Variants in ANKS1B observed in about 807,000 individuals in gnomAD.
The protein encoded by ANKS1B is ankyrin repeat and sterile alpha motif domain containing 1B.
In ANKS1B, 36 loss-of-function variants were observed where a neutral mutation model predicts 148.3. The ratio of observed to expected loss-of-function variants is 0.24; its 90% confidence interval spans 0.19 to 0.32. The LOEUF (loss-of-function observed/expected upper bound fraction) is 0.32, where lower values mean the gene tolerates loss of function less well. Ranked by LOEUF, ANKS1B falls within the 10% of genes least tolerant of loss-of-function variation. The probability of loss-of-function intolerance (pLI) is 1.00; values close to 1 mark genes in which losing one functional copy is unlikely to be tolerated. For missense variants in ANKS1B, 1,157 were observed against 1,542.6 expected (o/e 0.75, Z 4.19); for synonymous variants, 542 against 560.8 (o/e 0.97, Z 0.47).
At chr12:99,961,516 T>A (rs2153831553) in intron 1 of ANKS1B, among the ~76,000 whole-genome samples, 1 of 152,330 alleles carries the variant, frequency 6.6e-6, no homozygotes, top group Middle Eastern at 3.4e-3. Context: ...CCCCTCATCC[T>A]CACTGCCTTG....
chr12:99,460,654 C>T (rs2095941428), intron 10 of ANKS1B, among the ~76,000 whole-genome samples: 1 of 151,858 alleles, frequency 6.6e-6, no homozygotes, highest in Admixed American at 6.6e-5. Context: ...AAATGCTCAA[C>T]ATCACTAATG....
At chr12:99,402,433 A>T (rs1044554406) in intron 11 of ANKS1B, among the ~76,000 whole-genome samples, 1 of 145,096 alleles carries the variant, frequency 6.9e-6, no homozygotes, top group Non-Finnish European at 1.5e-5. Flanking sequence ...TAAGCCTAGT[A>T]CTCATTAGTT....
At chr12:98,888,924 T>C (rs2099746199) in intron 17 of ANKS1B, among the ~76,000 whole-genome samples, 1 of 152,250 alleles carries the variant, frequency 6.6e-6, no homozygotes, top group African/African-American at 2.4e-5. Flanking sequence ...TTGTCTATCT[T>C]GTTCATCATT....
chr12:99,625,173 C>A (rs2153383069), intron 9 of ANKS1B, among the ~76,000 whole-genome samples: 1 of 152,144 alleles, frequency 6.6e-6, no homozygotes, highest in Middle Eastern at 3.4e-3. Context: ...CACCTCTTCT[C>A]ATAAAGCGGG....
chr12:98,964,104 A>T (rs947049957), intron 17 of ANKS1B, among the ~76,000 whole-genome samples: 3 of 152,288 alleles, frequency 2.0e-5, no homozygotes, highest in Non-Finnish European at 4.4e-5. Flanking sequence ...GCCTCAAAAA[A>T]AAAAATCTAA....
At chr12:99,105,768 CAAA>C (rs11349848) in intron 15 of ANKS1B, among the ~76,000 whole-genome samples, 23 of 82,922 alleles carry the variant, frequency 2.8e-4, no homozygotes, top group Admixed American at 1.8e-3. Flanking sequence ...GACTCTGTCT[CAAA>C]AAAAAAAAAA....
chr12:99,627,168 A>G (rs554628781), intron 9 of ANKS1B, among the ~76,000 whole-genome samples: 8 of 152,350 alleles, frequency 5.3e-5, no homozygotes, highest in Admixed American at 1.3e-4. Flanking sequence ...TATAGCAACT[A>G]TAAAATAGAA....
At chr12:99,291,308 C>T (rs969500174) in intron 12 of ANKS1B, among the ~76,000 whole-genome samples, 18 of 152,106 alleles carry the variant, frequency 1.2e-4, no homozygotes, top group African/African-American at 4.1e-4. Context: ...CAATAAAATG[C>T]TCATACTAAC....
chr12:99,083,354 ACAGTCT>A (rs1302326144), intron 16 of ANKS1B, among the ~76,000 whole-genome samples: 2 of 152,118 alleles, frequency 1.3e-5, no homozygotes, highest in African/African-American at 4.8e-5. Context: ...AATCTGCCCC[ACAGTCT>A]TTTTGCAAAC....
At chr12:99,356,744 T>A (rs1349850704) in intron 12 of ANKS1B, among the ~76,000 whole-genome samples, 2 of 152,206 alleles carry the variant, frequency 1.3e-5, no homozygotes, top group Non-Finnish European at 2.9e-5. Flanking sequence ...TTGTTAATGC[T>A]ATTAATATTT....
chr12:99,158,197 G>A (rs558054006), intron 14 of ANKS1B, among the ~76,000 whole-genome samples: 1 of 152,280 alleles, frequency 6.6e-6, no homozygotes, highest in South Asian at 2.1e-4. Context: ...CTCTGTAACA[G>A]TGCTTAAATA....
chr12:99,216,491 TTC>T (rs1291219661), intron 14 of ANKS1B, among the ~76,000 whole-genome samples: 1 of 152,220 alleles, frequency 6.6e-6, no homozygotes, highest in African/African-American at 2.4e-5. Context: ...AAATACACAT[TTC>T]TTTTTTTAAA....
chr12:99,931,665 G>T (rs1265889245), intron 1 of ANKS1B, among the ~76,000 whole-genome samples: 2 of 152,130 alleles, frequency 1.3e-5, no homozygotes, highest in Non-Finnish European at 2.9e-5. Context: ...GGTACATAGT[G>T]TATGTATTTA....
rs571530891 is a variant in ANKS1B at position 99,110,290 on chromosome 12, C to T, written c.2527-25267G>A. Among the ~76,000 whole-genome samples, 48 of 152,110 alleles carry T rather than the reference C, an allele frequency of 3.2e-4. 1 individual carries two copies. The highest frequency in any genetic ancestry group is 2.1e-3 in the South Asian group (10 of 4,814). The stretch of plus-strand genomic sequence containing the variant: ...TTTACTGAGTGGTGCTATCAGCCCA[C>T]GGTAAAATAAATTAGATTTTTAAGA... On this transcript the variant is annotated intron_variant, in intron 15 of 26. Transcript: ENST00000683438.
At chr12:99,788,631 G>A (rs1349459550) in intron 4 of ANKS1B, among the ~76,000 whole-genome samples, 2 of 152,086 alleles carry the variant, frequency 1.3e-5, no homozygotes, top group East Asian at 3.9e-4. Flanking sequence ...GTACCACTTC[G>A]GCCACAGTAG....
intron 10 of ANKS1B, among the ~76,000 whole-genome samples, chr12:99,466,938 A>T (rs2096128464): frequency 6.6e-6 from 1 of 152,214 alleles, no homozygotes. Flanking sequence ...AACTCATTTT[A>T]TGAGGCCAGA....
At chr12:99,729,794 T>G (rs961316932) in intron 8 of ANKS1B, among the ~76,000 whole-genome samples, 7 of 152,234 alleles carry the variant, frequency 4.6e-5, no homozygotes, top group African/African-American at 1.7e-4. Context: ...TTATTATTTG[T>G]TTTTTGTTTA....
chr12:99,146,488 A>T (rs1457982426), intron 15 of ANKS1B, among the ~76,000 whole-genome samples: 1 of 152,100 alleles, frequency 6.6e-6, no homozygotes, highest in African/African-American at 2.4e-5. Flanking sequence ...AGGGAACAAC[A>T]GGCTTCCTTT....
intron 8 of ANKS1B, among the ~76,000 whole-genome samples, chr12:99,692,007 A>C (rs1195420892): frequency 1.3e-5 from 2 of 152,216 alleles, no homozygotes; most frequent in Non-Finnish European, 2.9e-5. Flanking sequence ...AAAAAATGGG[A>C]TAAATTGTTA....
Sources: allele counts gnomAD v4.1 joint callset (sites outside exome capture counted in the v4.1 genomes callset), GRCh38; gene constraint gnomAD v4.1.1; transcripts MANE v1.5; gene names NCBI Gene and HGNC (gene_info 2026-07-23, HGNC 2026-07-21).